RBFOX1: variants seen among roughly 807,000 people sequenced by gnomAD.
The protein encoded by RBFOX1 is RNA binding fox-1 homolog 1, also known as RNA binding protein fox-1 homolog 1.
A neutral mutation model predicts 57.7 loss-of-function variants in RBFOX1; 8 were observed. The observed-to-expected ratio is 0.14, with a 90% CI of 0.08 to 0.25. The LOEUF (loss-of-function observed/expected upper bound fraction) is 0.25. Ranked by LOEUF, RBFOX1 falls within the 10% of genes least tolerant of loss-of-function variation. RBFOX1 has a pLI of 1.00. For synonymous variants in RBFOX1, 326 were observed against 222.4 expected (o/e 1.47, Z -4.15); for missense variants, 611 against 548.5 (o/e 1.11, Z -1.14).
chr16:7,644,057 T>G (rs1329543191), intron 11 of RBFOX1, among the ~76,000 whole-genome samples: 1 of 152,166 alleles, frequency 6.6e-6, no homozygotes, highest in Non-Finnish European at 1.5e-5. Flanking sequence ...GAATCCAAAC[T>G]GAGAGTCTCT....
At chr16:7,244,772 C>T (rs954075072) in intron 4 of RBFOX1, among the ~76,000 whole-genome samples, 1 of 152,180 alleles carries the variant, frequency 6.6e-6, no homozygotes. Flanking sequence ...GGTCATCACA[C>T]TCGAAGGAGG....
chr16:6,079,307 A>C (rs2152503138), intron 1 of RBFOX1, among the ~76,000 whole-genome samples: 1 of 152,242 alleles, frequency 6.6e-6, no homozygotes, highest in African/African-American at 2.4e-5. Flanking sequence ...CTCTGTCTCA[A>C]AATAAAAAAT....
chr16:6,658,514 C>T (rs942998630), intron 3 of RBFOX1, among the ~76,000 whole-genome samples: 1 of 152,034 alleles, frequency 6.6e-6, no homozygotes, highest in African/African-American at 2.4e-5. Flanking sequence ...GCCGAGAGCC[C>T]TCATCTTGTT....
intron 3 of RBFOX1, among the ~76,000 whole-genome samples, chr16:5,776,640 A>G (rs1286528954): frequency 6.6e-6 from 1 of 152,240 alleles, no homozygotes; most frequent in African/African-American, 2.4e-5. Context: ...TCATAAAGCA[A>G]TGGTGTGGGT....
chr16:7,484,863 C>G (rs1477595402), intron 4 of RBFOX1, among the ~76,000 whole-genome samples: 1 of 152,124 alleles, frequency 6.6e-6, no homozygotes, highest in Non-Finnish European at 1.5e-5. Context: ...ATTTAATGGC[C>G]ACCTTTGGGC....
chr16:5,397,648 C>G (rs1390816843), intron 1 of RBFOX1, among the ~76,000 whole-genome samples: 1 of 152,194 alleles, frequency 6.6e-6, no homozygotes, highest in African/African-American at 2.4e-5. Flanking sequence ...AAGAGAGGAA[C>G]TGCTGTGGTT....
intron 1 of RBFOX1, among the ~76,000 whole-genome samples, chr16:6,291,451 C>T (rs2077457550): frequency 6.6e-6 from 1 of 152,120 alleles, no homozygotes. Context: ...TTTCTTTCTT[C>T]CCTTTGTAAA....
At chr16:6,647,906 A>T (rs1177605370) in intron 2 of RBFOX1, among the ~76,000 whole-genome samples, 1 of 152,096 alleles carries the variant, frequency 6.6e-6, no homozygotes, top group East Asian at 1.9e-4. Context: ...TAGTGGTGCA[A>T]TCTCGGCTTA....
chr16:5,791,440 G>A (rs530174685), intron 3 of RBFOX1, among the ~76,000 whole-genome samples: 8 of 152,214 alleles, frequency 5.3e-5, no homozygotes, highest in African/African-American at 1.9e-4. Context: ...TAGGATCTGG[G>A]TACTAATATT....
At chr16:7,212,115 A>C (rs963135111) in intron 4 of RBFOX1, among the ~76,000 whole-genome samples, 1 of 152,174 alleles carries the variant, frequency 6.6e-6, no homozygotes, top group African/African-American at 2.4e-5. Context: ...AGAATCATGC[A>C]TGGAAGGAAG....
chr16:6,210,438 C>G (rs369857686), intron 1 of RBFOX1, among the ~76,000 whole-genome samples: 91 of 144,640 alleles, frequency 6.3e-4, no homozygotes, highest in East Asian at 3.5e-3. Flanking sequence ...AGAAAGAAAT[C>G]TTACAAAGGG....
At chr16:7,494,477 T>C (rs2067940181) in intron 4 of RBFOX1, among the ~76,000 whole-genome samples, 1 of 152,086 alleles carries the variant, frequency 6.6e-6, no homozygotes. Context: ...TTCTGGAAAA[T>C]TTTCCTAACC....
At chr16:6,622,517 C>G (rs76859212) in intron 2 of RBFOX1, among the ~76,000 whole-genome samples, 1 of 152,078 alleles carries the variant, frequency 6.6e-6, no homozygotes, top group Admixed American at 6.6e-5. Flanking sequence ...GTTTGTATAA[C>G]TGCACCGTGT....
At chr16:7,580,352 C>A (rs1395143684) in intron 6 of RBFOX1, among the ~76,000 whole-genome samples, 1 of 152,160 alleles carries the variant, frequency 6.6e-6, no homozygotes, top group African/African-American at 2.4e-5. Flanking sequence ...ATTGCCTAGT[C>A]TTTCCCAGGC....
At position 6,757,375 on chromosome 16, in the gene RBFOX1, C is replaced by G. The variant is rs112829104; in HGVS notation, c.-16+102725C>G. ...TTTACTGCAGCATTATTTACAATAG[C>G]AAAGATATAAAATCAACCTAAGTAT... is the stretch of plus-strand genomic sequence containing the variant. On this transcript the variant is annotated intron_variant, in intron 3 of 15. Transcript: ENST00000550418. 5.1e-3 allele frequency among the ~76,000 whole-genome samples: 774 copies of G among 152,168 alleles called. 10 individuals carry two copies. Among genetic ancestry groups the G allele is most frequent in the African/African-American group, 0.018 (739 of 41,528 alleles).
intron 4 of RBFOX1, among the ~76,000 whole-genome samples, chr16:7,449,900 C>T (rs569142703): frequency 6.6e-6 from 1 of 152,008 alleles, no homozygotes; most frequent in Admixed American, 6.6e-5. Context: ...TGTGAAGGGA[C>T]ACTATGAAAC....
At chr16:5,518,459 G>T (rs546474393) in intron 2 of RBFOX1, among the ~76,000 whole-genome samples, 66 of 152,288 alleles carry the variant, frequency 4.3e-4, no homozygotes, top group African/African-American at 1.5e-3. Context: ...TTGGCAACAA[G>T]GAGATTGTAA....
intron 4 of RBFOX1, among the ~76,000 whole-genome samples, chr16:5,883,883 C>T (rs1415579614): frequency 6.6e-6 from 1 of 152,090 alleles, no homozygotes; most frequent in East Asian, 1.9e-4. Flanking sequence ...AGGTAGGAAC[C>T]CTGATATTTC....
chr16:5,658,758 A>G (rs377354952), intron 3 of RBFOX1, among the ~76,000 whole-genome samples: 6 of 122,470 alleles, frequency 4.9e-5, no homozygotes, highest in East Asian at 5.7e-4. Flanking sequence ...ATATATATAT[A>G]TGTGTATGTA....
Sources: gnomAD v4.1 joint callset for allele counts (sites outside exome capture counted in the v4.1 genomes callset) on GRCh38, gnomAD v4.1.1 for gene constraint, MANE v1.5 for transcripts, NCBI Gene and HGNC (gene_info 2026-07-23, HGNC 2026-07-21) for gene names.